Variants in EPB41L3 observed in about 807,000 individuals in gnomAD.
The protein encoded by EPB41L3 is erythrocyte membrane protein band 4.1 like 3, also known as band 4.1-like protein 3.
In EPB41L3, 57 loss-of-function variants were observed where a neutral mutation model predicts 127.1. The observed-to-expected ratio is 0.45, with a 90% confidence interval of 0.36 to 0.56. The LOEUF (loss-of-function observed/expected upper bound fraction) is 0.56. Among genes scored for constraint, EPB41L3 ranks in the 20% least tolerant of loss-of-function variants. The probability of loss-of-function intolerance (pLI) is 0.00; values close to 1 mark genes in which losing one functional copy is unlikely to be tolerated. For missense variants in EPB41L3, 1,273 were observed against 1,372.2 expected (o/e 0.93, Z 1.14); for synonymous variants, 572 against 549.5 (o/e 1.04, Z -0.57).
intron 6 of EPB41L3, among the ~76,000 whole-genome samples, chr18:5,434,356 G>A (rs571821010): frequency 4.6e-5 from 7 of 152,290 alleles, no homozygotes; most frequent in East Asian, 1.9e-4. Flanking sequence ...GCAAGTCGAC[G>A]TTCATAATAG....
In EPB41L3 at chr18:5,397,359, C is replaced by T. The variant is rs2073722532; in HGVS notation, c.2540G>A (p.Ser847Asn). The T allele has an allele frequency of 3.1e-6, 5 of 1,614,024 alleles. No individual in the cohort carries two copies. The highest frequency in any genetic ancestry group is 4.2e-6 in the Non-Finnish European group (5 of 1,180,042). ...GGTCTCCTGCACCACCTTCTCAGTG[C>T]TAAGCGGCAGGTGGTGCACGGTGGG... ...TEPTVHHLPL[S>N]TEKVVQETVL... Residue 847 changes from serine (S) to asparagine (N), a missense_variant, in exon 18 of 23, where the codon AGC becomes AAC. This residue lies in a region of EPB41L3 where 765 missense variants were observed against 782.9 expected (regional missense o/e 0.98). Coordinates refer to ENST00000341928, the MANE Select transcript of EPB41L3 (RefSeq NM_012307.5). This position sits in a 1 kb window ranked among gnomAD's most constrained non-coding sequence, Gnocchi z 4.1.
At position 5,410,474 on chromosome 18, in the gene EPB41L3, A is replaced by G. The variant is rs2076057610; in HGVS notation, c.2121+92T>C. On this transcript the variant is annotated intron_variant, in intron 14 of 22. Coordinates refer to ENST00000341928, the MANE Select transcript of EPB41L3 (RefSeq NM_012307.5). ...TAAAGTTAGAACTGATCTCCATTAC[A>G]ACAGCTCATATGTGGAGTTCTTAAA... 9.0e-6 allele frequency: 8 copies of G among 891,814 alleles called. No individual in the cohort carries two copies. In the Admixed American group the frequency reaches 1.2e-4, roughly 14 times the overall value. 55.2% of individuals were successfully genotyped at this position (891,814 alleles called of 1,614,324 possible).
intron 3 of EPB41L3, among the ~76,000 whole-genome samples, chr18:5,580,266 T>C (rs1312918606): frequency 6.6e-6 from 1 of 152,108 alleles, no homozygotes; most frequent in Admixed American, 6.5e-5. Context: ...TAGATACACT[T>C]ATACACACAG....
In EPB41L3 at chr18:5,416,348, A is replaced by C; in HGVS notation, c.1537T>G (p.Leu513Val). ...SPGLGTDSCP[L>V]SPPSTHCAPT... ...GCACAATGGGTGGATGGGGGTGACAAGGGACATGAGTCAGTGCCAAGCCCA... is the reference window on the plus strand; with the variant it reads ...GCACAATGGGTGGATGGGGGTGACACGGGACATGAGTCAGTGCCAAGCCCA... Residue 513 changes from leucine (L) to valine (V), a missense_variant, in exon 13 of 23, where the codon TTG becomes GTG. Physicochemically the swap from Leu to Val is conservative, Grantham distance 32 (BLOSUM62 1). Around this residue, in one of 3 missense-constraint regions of EPB41L3, gnomAD observed 765 missense variants for 782.9 expected, o/e 0.98. Coordinates refer to ENST00000341928, the MANE Select transcript of EPB41L3 (RefSeq NM_012307.5). 3.1e-6 allele frequency: 5 copies of C among 1,613,734 alleles called. No homozygotes were observed. Among genetic ancestry groups the C allele is most frequent in the Non-Finnish European group, 4.2e-6 (5 of 1,179,946 alleles).
At chr18:5,514,742 TA>T (rs1173533555) in intron 1 of EPB41L3, among the ~76,000 whole-genome samples, 1 of 151,890 alleles carries the variant, frequency 6.6e-6, no homozygotes, top group East Asian at 1.9e-4. Context: ...GCTGGAGGTT[TA>T]AAAAAAATAG....
chr18:5,561,266 C>T (rs1485419689), intron 3 of EPB41L3, among the ~76,000 whole-genome samples: 14 of 152,176 alleles, frequency 9.2e-5, no homozygotes, highest in Middle Eastern at 3.4e-3. Flanking sequence ...CGTGAGCCAC[C>T]GCGCCTGGCC....
chr18:5,459,585 T>C (rs2083632782), intron 3 of EPB41L3, among the ~76,000 whole-genome samples: 1 of 152,194 alleles, frequency 6.6e-6, no homozygotes, highest in Non-Finnish European at 1.5e-5. Flanking sequence ...TTAATTAAAA[T>C]GAAAATTTCT....
At chr18:5,623,792 C>T (rs1323142729) in intron 1 of EPB41L3, among the ~76,000 whole-genome samples, 1 of 151,972 alleles carries the variant, frequency 6.6e-6, no homozygotes, top group African/African-American at 2.4e-5. Flanking sequence ...GGATCACAGG[C>T]ATGAGCCACC....
At chr18:5,482,495 C>CA (rs2088776293) in intron 2 of EPB41L3, among the ~76,000 whole-genome samples, 1 of 152,118 alleles carries the variant, frequency 6.6e-6, no homozygotes, top group Admixed American at 6.5e-5. Context: ...TATAAATATT[C>CA]AAGTACAGGG....
intron 3 of EPB41L3, among the ~76,000 whole-genome samples, chr18:5,568,704 C>T (rs2094240054): frequency 6.6e-6 from 1 of 152,168 alleles, no homozygotes; most frequent in African/African-American, 2.4e-5. Flanking sequence ...CATTCACTGG[C>T]TCTGGAATGG....
At chr18:5,396,584 A>G (rs1376436937) in intron 18 of EPB41L3, among the ~76,000 whole-genome samples, 1 of 152,104 alleles carries the variant, frequency 6.6e-6, no homozygotes, top group Non-Finnish European at 1.5e-5. Context: ...CTATTTAATA[A>G]CTTCTTAGAA....
chr18:5,523,343 G>A (rs903993848), intron 1 of EPB41L3, among the ~76,000 whole-genome samples: 1 of 152,052 alleles, frequency 6.6e-6, no homozygotes, highest in African/African-American at 2.4e-5. Flanking sequence ...CTTCAAACTA[G>A]CTTAAATTGG....
chr18:5,627,939 C>G (rs1305298900), intron 1 of EPB41L3, among the ~76,000 whole-genome samples: 2 of 152,186 alleles, frequency 1.3e-5, no homozygotes, highest in African/African-American at 4.8e-5. Context: ...CCCTTGGTGT[C>G]ACTAAGTCTG....
At chr18:5,546,279 T>A (rs186930497), upstream of EPB41L3, among the ~76,000 whole-genome samples, 360 of 152,280 alleles carry the variant, frequency 2.4e-3, 3 homozygotes, top group African/African-American at 8.4e-3. Context: ...ATGCCTGTAA[T>A]CCCAGCACTT....
At position 5,489,189 on chromosome 18, in the gene EPB41L3, A is replaced by G; in HGVS notation, c.-6T>C. The G allele has an allele frequency of 6.3e-7, 1 of 1,590,854 alleles. No homozygotes were observed. Among genetic ancestry groups the G allele is most frequent in the African/African-American group, 1.4e-5 (1 of 72,208 alleles). On this transcript the variant is annotated 5_prime_UTR_variant, in exon 2 of 23. Coordinates refer to ENST00000341928, the MANE Select transcript of EPB41L3 (RefSeq NM_012307.5). Reference sequence around the variant, plus strand: ...GATCCAGATTCGGTCGTCATGGTTGATTGTTCTGCAAGCAGAAAAAAGGGA... The same window carrying G: ...GATCCAGATTCGGTCGTCATGGTTGGTTGTTCTGCAAGCAGAAAAAAGGGA...
Position 5,428,358 on chromosome 18 carries a change from AATCTT to A in EPB41L3, c.1015_1019del (p.Lys339PhefsTer10), listed in dbSNP as rs1368396690. The A allele has an allele frequency of 6.2e-7, 1 of 1,614,202 alleles. No homozygotes were observed. ...TGTAAAAGTTGTTCCGTTTGTATGA[AATCTT>A]TAGAACCTTGGGCCAGGCAAATCTG... On this transcript the variant is annotated frameshift_variant, in exon 9 of 23. Transcript: ENST00000341928. LOFTEE classifies it high-confidence loss of function.
chr18:5,492,875 AT>A (rs2090758981), intron 1 of EPB41L3, among the ~76,000 whole-genome samples: 1 of 152,200 alleles, frequency 6.6e-6, no homozygotes, highest in Non-Finnish European at 1.5e-5. Context: ...TCATATTTCA[AT>A]ATCCCTCTCT....
intron 4 of EPB41L3, 57 bp from the exon 5 acceptor site, chr18:5,443,937 G>C: frequency 6.9e-7 from 1 of 1,441,742 alleles, no homozygotes; most frequent in Non-Finnish European, 9.7e-7. Flanking sequence ...ATGACTTAAT[G>C]TTGATTAGGT....
At chr18:5,571,397 A>G (rs1287137702) in intron 3 of EPB41L3, among the ~76,000 whole-genome samples, 5 of 152,222 alleles carry the variant, frequency 3.3e-5, no homozygotes, top group Non-Finnish European at 5.9e-5. Context: ...TATTTTTTTC[A>G]GCCTATTCTG....
Sources: gnomAD v4.1 joint callset for allele counts (sites outside exome capture counted in the v4.1 genomes callset) on GRCh38, gnomAD v4.1.1 for gene constraint, gnomAD v4.1.1 regional missense constraint, Gnocchi (gnomAD v3.1) non-coding constraint, MANE v1.5 for transcripts, NCBI Gene and HGNC (gene_info 2026-07-23, HGNC 2026-07-21) for gene names.